The following PCDHGB1 variants were observed in gnomAD, a reference collection of about 807,000 sequenced individuals.
The protein encoded by PCDHGB1 is protocadherin gamma subfamily B, 1.
In PCDHGB1, 34 loss-of-function variants were observed where a neutral mutation model predicts 56.6. The observed-to-expected ratio is 0.60, with a 90% confidence interval of 0.46 to 0.80. The LOEUF is 0.80. PCDHGB1 is among the 30% of genes least tolerant of loss of function. The probability of loss-of-function intolerance (pLI) is 0.00; values close to 1 mark genes in which losing one functional copy is unlikely to be tolerated. For synonymous variants in PCDHGB1, 561 were observed against 505.9 expected, an observed-to-expected ratio of 1.11 and a Z score of -1.46; for missense variants, 1,278 against 1,204.6, an observed-to-expected ratio of 1.06 and a Z score of -0.90.
chr5:141,357,653 C>A (rs1478258336), intron 1 of PCDHGB1: 2 of 1,607,882 alleles, frequency 1.2e-6, no homozygotes, highest in Non-Finnish European at 1.7e-6. Context: ...TCATACCACA[C>A]TGAAATATAG....
intron 1 of PCDHGB1, chr5:141,387,848 C>A (rs746271589): frequency 1.1e-5 from 18 of 1,597,460 alleles, no homozygotes; most frequent in Non-Finnish European, 1.5e-5. Flanking sequence ...AACCCGGCGT[C>A]TCCAGGCTGG....
intron 1 of PCDHGB1, chr5:141,373,873 G>C: frequency 2.1e-6 from 1 of 480,742 alleles, no homozygotes; most frequent in Admixed American, 3.9e-5. Context: ...ACCTGGGCAA[G>C]AAAATCAACG....
At chr5:141,441,862 G>A (rs2098280399) in intron 1 of PCDHGB1, 3 of 342,456 alleles carry the variant, frequency 8.8e-6, no homozygotes, top group Non-Finnish European at 1.1e-5. Context: ...GCTGCACGCC[G>A]CGGAGCCTGG....
In PCDHGB1 at chr5:141,350,640, C is replaced by A. The variant is rs1477120980; in HGVS notation, c.380C>A (p.Ala127Glu). The part of the protein sequence containing the change: ...VVVIQDINDN[A>E]PRFVAKGIDL... The stretch of plus-strand genomic sequence containing the variant: ...GTAATCCAAGATATTAATGACAATG[C>A]ACCACGTTTCGTTGCAAAAGGCATT... The change falls in exon 1 of 4, where the codon GCA becomes GAA. Residue 127 changes from alanine (A) to glutamate (E), a missense_variant. Transcript: ENST00000523390. The A allele has an allele frequency of 1.2e-6, 2 of 1,613,924 alleles. No individual in the cohort carries two copies. The highest frequency in any genetic ancestry group is 1.7e-6 in the Non-Finnish European group (2 of 1,179,906).
At position 141,511,076 on chromosome 5, in the gene PCDHGB1, A is replaced by G. The variant is rs201009079; in HGVS notation, c.2687A>G (p.Asn896Ser). 19 of 1,614,218 alleles carry G rather than the reference A, an allele frequency of 1.2e-5. No individual in the cohort carries two copies. In the East Asian group the frequency reaches 3.6e-4, roughly 30 times the overall value. ...CAGAATGTCTACATCCCAGGCAGCA[A>G]TGCCACACTGACCAACGCAGCTGGC... ...YRQNVYIPGS[N>S]ATLTNAAGKR... Residue 896 changes from asparagine (N) to serine (S), a missense_variant, in exon 4 of 4, where the codon AAT (asparagine) becomes AGT (serine). Coordinates refer to ENST00000523390, the MANE Select transcript of PCDHGB1 (RefSeq NM_018922.3).
At chr5:141,365,379 CCT>C in intron 1 of PCDHGB1, 5 of 1,613,964 alleles carry the variant, frequency 3.1e-6, no homozygotes, top group Non-Finnish European at 4.2e-6. Context: ...GTGATCCTCA[CCT>C]CTCTGACCAG....
At position 141,490,753 on chromosome 5, in the gene PCDHGB1, T is replaced by C; in HGVS notation, c.2410-4054T>C. ...TCAGGTTCAGGGAGCCCCAGCCTCC[T>C]CCTTTGTGTATGTCAACCCAGAGGA... On this transcript the variant is annotated intron_variant, in intron 1 of 3. Transcript: ENST00000523390. This position sits in a 1 kb window ranked among gnomAD's most constrained non-coding sequence, Gnocchi z 5.4. 1 of 1,614,184 alleles carries C rather than the reference T, an allele frequency of 6.2e-7. No individual in the cohort carries two copies. The highest frequency in any genetic ancestry group is 8.5e-7 in the Non-Finnish European group (1 of 1,180,024).
At chr5:141,474,117 A>C (rs748431734) in intron 1 of PCDHGB1, among the ~76,000 whole-genome samples, 11 of 152,186 alleles carry the variant, frequency 7.2e-5, no homozygotes, top group Non-Finnish European at 1.2e-4. Context: ...ACAACAACGA[A>C]AATCTCAGAA....
At chr5:141,418,744 T>C in intron 1 of PCDHGB1, 1 of 1,613,936 alleles carries the variant, frequency 6.2e-7, no homozygotes, top group Non-Finnish European at 8.5e-7. Context: ...TCTCTCTGGA[T>C]TACACTACAG....
chr5:141,499,104 C>A (rs2099789508), intron 2 of PCDHGB1, among the ~76,000 whole-genome samples: 1 of 152,120 alleles, frequency 6.6e-6, no homozygotes, highest in African/African-American at 2.4e-5. Flanking sequence ...CTTCTCCTCC[C>A]CACCACTATC....
At chr5:141,510,824 A>G (rs947400590) in intron 3 of PCDHGB1, 123 bp from the exon 4 acceptor site, 2 of 1,563,416 alleles carry the variant, frequency 1.3e-6, no homozygotes, top group Non-Finnish European at 1.7e-6. Flanking sequence ...CTATATTCCC[A>G]GTGCTCAGCG....
At chr5:141,356,635 C>T in intron 1 of PCDHGB1, 2 of 1,614,140 alleles carry the variant, frequency 1.2e-6, no homozygotes, top group Middle Eastern at 1.6e-4. Flanking sequence ...TGCTCAAGAC[C>T]CTGACAGTGG....
intron 1 of PCDHGB1, chr5:141,383,616 G>A (rs750574958): frequency 2.5e-6 from 4 of 1,613,808 alleles, no homozygotes; most frequent in Non-Finnish European, 3.4e-6. Flanking sequence ...ATGACCACAC[G>A]CCTGTCTTCT....
chr5:141,366,476 C>T (rs760870646), intron 1 of PCDHGB1: 41 of 1,614,144 alleles, frequency 2.5e-5, no homozygotes, highest in Non-Finnish European at 3.1e-5. Flanking sequence ...GGTGCTCAGA[C>T]TGAGGCGCTG....
Position 141,399,408 on chromosome 5 carries a change from C to G in PCDHGB1, c.2409+46739C>G, listed in dbSNP as rs373563586. On this transcript the variant is annotated intron_variant, in intron 1 of 3. Coordinates refer to ENST00000523390, the MANE Select transcript of PCDHGB1 (RefSeq NM_018922.3). ...CAGCCACAGACAGGGGCAAGCCGCC[C>G]CTCTCCTCCAGCATAAGCGTCATCC... 20 of 1,613,888 alleles carry G rather than the reference C, an allele frequency of 1.2e-5. No individual in the cohort carries two copies. In the East Asian group the frequency reaches 3.8e-4, roughly 31 times the overall value.
chr5:141,480,827 A>G (rs1455065731), intron 1 of PCDHGB1, among the ~76,000 whole-genome samples: 2 of 152,212 alleles, frequency 1.3e-5, no homozygotes, highest in Admixed American at 6.5e-5. Context: ...TGGGTGGATC[A>G]TAAGATCAGG....
In PCDHGB1 at chr5:141,350,564, G is replaced by A; in HGVS notation, c.304G>A (p.Glu102Lys). 1 of 1,614,056 alleles carries A rather than the reference G, an allele frequency of 6.2e-7. No individual in the cohort carries two copies. Among genetic ancestry groups the A allele is most frequent in the South Asian group, 1.1e-5 (1 of 91,086 alleles). Reference sequence around the variant, plus strand: ...CGGAAGGAAACTTGAGTGTGCACTAGAATTCGAAACGGTCGCTGAAAACCC... The same window carrying A: ...CGGAAGGAAACTTGAGTGTGCACTAAAATTCGAAACGGTCGCTGAAAACCC... ...ICGRKLECAL[E>K]FETVAENPMN... Residue 102 changes from glutamate to lysine, a missense_variant, in exon 1 of 4, where the codon GAA (glutamate) becomes AAA (lysine). Coordinates refer to ENST00000523390, the MANE Select transcript of PCDHGB1 (RefSeq NM_018922.3).
At chr5:141,381,029 T>C (rs976718384) in intron 1 of PCDHGB1, among the ~76,000 whole-genome samples, 4 of 152,266 alleles carry the variant, frequency 2.6e-5, no homozygotes, top group Admixed American at 6.5e-5. Context: ...TTAGTTCCTT[T>C]AAACAAAATT....
chr5:141,409,130 G>A, intron 1 of PCDHGB1: 1 of 1,613,994 alleles, frequency 6.2e-7, no homozygotes, highest in South Asian at 1.1e-5. Context: ...ATTTGATTTT[G>A]AAGATGTAGA....
Sources: allele counts gnomAD v4.1 joint callset (sites outside exome capture counted in the v4.1 genomes callset), GRCh38; gene constraint gnomAD v4.1.1; non-coding constraint Gnocchi (gnomAD v3.1); transcripts MANE v1.5; gene names NCBI Gene and HGNC (gene_info 2026-07-23, HGNC 2026-07-21).